The following HVCN1 variants were observed in gnomAD, a reference collection of about 807,000 sequenced individuals.
HVCN1 encodes voltage-gated hydrogen channel 1.
HVCN1 carries 14 observed loss-of-function variants against 29.2 expected under a neutral mutation model. The observed-to-expected ratio is 0.48, with a 90% confidence interval of 0.32 to 0.75. The LOEUF is 0.75. Ranked by LOEUF, HVCN1 falls within the 30% of genes least tolerant of loss-of-function variation. The pLI, the probability that HVCN1 is intolerant of heterozygous loss-of-function variation, is 0.04. For missense variants in HVCN1, 263 were observed against 341.8 expected, an observed-to-expected ratio of 0.77 and a Z score of 1.82; for synonymous variants, 131 against 133.2, an observed-to-expected ratio of 0.98 and a Z score of 0.11.
intron 3 of HVCN1, among the ~76,000 whole-genome samples, chr12:110,673,002 G>GATACCTGAAAATGTGGA (rs1406015189): frequency 6.6e-5 from 10 of 152,310 alleles, no homozygotes; most frequent in Non-Finnish European, 1.0e-4. Flanking sequence ...TTGCTGAAAA[G>GATACCTGAAAATGTGGA]ATACCTGAAA....
chr12:110,650,207 G>C lies in HVCN1; in HGVS notation c.717C>G (p.Ala239=). 2 of 1,613,366 alleles carry C rather than the reference G, an allele frequency of 1.2e-6. No homozygotes were observed. The highest frequency in any genetic ancestry group is 1.7e-6 in the Non-Finnish European group (2 of 1,179,418). The change falls in exon 7 of 8, where the codon GCC becomes GCG. Residue 239 remains alanine (A), a synonymous_variant. Coordinates refer to ENST00000242607, the MANE Select transcript of HVCN1 (RefSeq NM_032369.4). ...TGAACTCAAGGTGTTGAATCTTGGC[G>C]GCCAATTGTACATTCATCTGTTTTA... The part of the protein sequence containing the change: ...LRLKQMNVQL[A]AKIQHLEFSC...
At chr12:110,685,570 G>A (rs1021069076) in intron 2 of HVCN1, among the ~76,000 whole-genome samples, 1 of 152,196 alleles carries the variant, frequency 6.6e-6, no homozygotes, top group African/African-American at 2.4e-5. Flanking sequence ...GGCTGCACAT[G>A]AGTCCCCTGT....
At chr12:110,678,178 C>G (rs1399167920) in intron 3 of HVCN1, among the ~76,000 whole-genome samples, 1 of 152,208 alleles carries the variant, frequency 6.6e-6, no homozygotes, top group Non-Finnish European at 1.5e-5. Context: ...CAGCGAGAAG[C>G]AAGGCTAGGA....
At position 110,651,235 on chromosome 12, in the gene HVCN1, C is replaced by T. The variant is rs543818690; in HGVS notation, c.625G>A (p.Val209Met). ...GLLILLRLWRVARIINGIIIS... is the reference protein window; with the variant it reads ...GLLILLRLWRMARIINGIIIS... Reference sequence around the variant, plus strand: ...GACGTACCATTGATGATCCGGGCCACCCGCCACAGCCGGAGCAGAATCAGC... The same window carrying T: ...GACGTACCATTGATGATCCGGGCCATCCGCCACAGCCGGAGCAGAATCAGC... Residue 209 changes from valine to methionine, a missense_variant, in exon 6 of 8, where the codon GTG becomes ATG. This residue lies in a region of HVCN1 where 55 missense variants were observed against 109.4 expected (regional missense o/e 0.50). Transcript: ENST00000242607. The T allele has an allele frequency of 1.9e-6, 3 of 1,613,640 alleles. No homozygotes were observed. Among genetic ancestry groups the T allele is most frequent in the Middle Eastern group, 1.7e-4 (1 of 6,052 alleles).
At chr12:110,687,262 C>G (rs1038116695) in intron 2 of HVCN1, among the ~76,000 whole-genome samples, 4 of 149,768 alleles carry the variant, frequency 2.7e-5, no homozygotes, top group Non-Finnish European at 6.0e-5. Context: ...ACCACACCCC[C>G]CCCCCCCAGC....
chr12:110,701,005 T>C (rs571040227), intron 2 of HVCN1, among the ~76,000 whole-genome samples: 1 of 152,304 alleles, frequency 6.6e-6, no homozygotes, highest in Non-Finnish European at 1.5e-5. Flanking sequence ...CCCAGCCCCA[T>C]GGGGCATCAC....
At chr12:110,667,530 A>G (rs576755007) in intron 3 of HVCN1, among the ~76,000 whole-genome samples, 3 of 152,304 alleles carry the variant, frequency 2.0e-5, no homozygotes, top group African/African-American at 7.2e-5. Flanking sequence ...CCCGGGATCA[A>G]GCGATCCTCC....
chr12:110,651,026 C>A (rs1413648845), intron 6 of HVCN1, among the ~76,000 whole-genome samples, 191 bp downstream of exon 6: 1 of 152,102 alleles, frequency 6.6e-6, no homozygotes, highest in Non-Finnish European at 1.5e-5. Flanking sequence ...TTGACGTAAA[C>A]CTGCTTATAA....
At chr12:110,703,811 A>G (rs1381654314) in intron 1 of HVCN1, among the ~76,000 whole-genome samples, 1 of 151,944 alleles carries the variant, frequency 6.6e-6, no homozygotes, top group Non-Finnish European at 1.5e-5. Flanking sequence ...CAGCCTCCCA[A>G]GTAGCTGGGA....
chr12:110,666,856 G>T (rs942409300), intron 3 of HVCN1, among the ~76,000 whole-genome samples: 1 of 152,050 alleles, frequency 6.6e-6, no homozygotes, highest in Non-Finnish European at 1.5e-5. Context: ...TTTCCTTCGA[G>T]AGCCCTCATC....
chr12:110,653,399 A>C (rs1423072882), intron 5 of HVCN1, among the ~76,000 whole-genome samples: 1 of 152,074 alleles, frequency 6.6e-6, no homozygotes, highest in African/African-American at 2.4e-5. Context: ...GATCAAGACT[A>C]CAGTGAGCTG....
chr12:110,672,330 A>G (rs1474378532), intron 3 of HVCN1, among the ~76,000 whole-genome samples: 1 of 152,176 alleles, frequency 6.6e-6, no homozygotes, highest in Non-Finnish European at 1.5e-5. Flanking sequence ...AGAGACTCCC[A>G]CGTGCACACA....
At position 110,648,870 on chromosome 12, in the gene HVCN1, C is replaced by T; in HGVS notation, c.*540G>A. 2.7e-6 allele frequency: 1 copy of T among 377,162 alleles called. No individual in the cohort carries two copies. Among genetic ancestry groups the T allele is most frequent in the South Asian group, 2.0e-5 (1 of 50,838 alleles). 23.4% of individuals were successfully genotyped at this position (377,162 alleles called of 1,614,324 possible). A position where few individuals can be genotyped will look rare whatever the true frequency, so the allele number is the denominator to read the frequency against. On this transcript the variant is annotated 3_prime_UTR_variant, in exon 8 of 8. Transcript: ENST00000242607. The stretch of plus-strand genomic sequence containing the variant: ...ATTGAGGAAAAATGTTGTCAGGTGG[C>T]AGAAAACAATGGAGCCACCTAGAAG...
intron 4 of HVCN1, among the ~76,000 whole-genome samples, chr12:110,660,192 CAT>C (rs1296619600): frequency 6.6e-6 from 1 of 151,478 alleles, no homozygotes; most frequent in Non-Finnish European, 1.5e-5. Flanking sequence ...GCCTGACCAA[CAT>C]AGTGAAACCC....
intron 3 of HVCN1, among the ~76,000 whole-genome samples, chr12:110,663,348 A>G (rs1452525936): frequency 6.6e-6 from 1 of 152,106 alleles, no homozygotes; most frequent in Admixed American, 6.5e-5. Flanking sequence ...CACACCTGTA[A>G]TCCCCACACT....
intron 3 of HVCN1, among the ~76,000 whole-genome samples, chr12:110,680,977 T>C (rs960189872): frequency 2.0e-5 from 3 of 152,158 alleles, no homozygotes; most frequent in African/African-American, 7.2e-5. Context: ...TATCTTATTT[T>C]TTACCACTAT....
chr12:110,651,461 A>G lies in HVCN1; in HGVS notation c.412-13T>C. 6.4e-7 allele frequency: 1 copy of G among 1,570,460 alleles called. No individual in the cohort carries two copies. Among genetic ancestry groups the G allele is most frequent in the East Asian group, 2.2e-5 (1 of 44,644 alleles). On this transcript the variant is annotated splice_polypyrimidine_tract_variant and intron_variant, in intron 5 of 7. Transcript: ENST00000242607. Reference sequence around the variant, plus strand: ...TGTAGTGGAATACCTGAAGGGGACAAGGAACCACAGTCAGGGGAGATTGGG... The same window carrying G: ...TGTAGTGGAATACCTGAAGGGGACAGGGAACCACAGTCAGGGGAGATTGGG...
chr12:110,659,648 G>T (rs1337477684), intron 4 of HVCN1, among the ~76,000 whole-genome samples: 1 of 152,220 alleles, frequency 6.6e-6, no homozygotes, highest in East Asian at 1.9e-4. Flanking sequence ...ACTGTGTATG[G>T]TGGCTCACGC....
intron 3 of HVCN1, chr12:110,682,989 G>C: frequency 1.2e-5 from 5 of 432,380 alleles, no homozygotes; most frequent in East Asian, 9.7e-5. Flanking sequence ...AAAAAAAACC[G>C]CACATAGTTA....
Sources: gnomAD v4.1 joint callset for allele counts (sites outside exome capture counted in the v4.1 genomes callset) on GRCh38, gnomAD v4.1.1 for gene constraint, gnomAD v4.1.1 regional missense constraint, MANE v1.5 for transcripts, NCBI Gene and HGNC (gene_info 2026-07-23, HGNC 2026-07-21) for gene names.